ANO3: variants seen among roughly 807,000 people sequenced by gnomAD.
The protein encoded by ANO3 is anoctamin-3.
In ANO3, 99 loss-of-function variants were observed where a neutral mutation model predicts 144.8. The observed-to-expected ratio is 0.68, with a 90% CI of 0.58 to 0.81. The LOEUF (loss-of-function observed/expected upper bound fraction) is 0.81, where lower values mean the gene tolerates loss of function less well. ANO3 is among the 30% of genes least tolerant of loss of function. The pLI, the probability that ANO3 is intolerant of heterozygous loss-of-function variation, is 0.00. For missense variants in ANO3, 905 were observed against 1,202.2 expected, an observed-to-expected ratio of 0.75 and a Z score of 3.66; for synonymous variants, 414 against 392.6, an observed-to-expected ratio of 1.05 and a Z score of -0.64.
chr11:26,547,131 T>C (rs1849809460), intron 11 of ANO3, among the ~76,000 whole-genome samples: 1 of 151,782 alleles, frequency 6.6e-6, no homozygotes, highest in Non-Finnish European at 1.5e-5. Context: ...GGGATGCTAG[T>C]AGGAAGATGG....
At chr11:26,362,892 C>T (rs1855965199) in intron 1 of ANO3, among the ~76,000 whole-genome samples, 2 of 152,078 alleles carry the variant, frequency 1.3e-5, no homozygotes, top group Admixed American at 1.3e-4. Flanking sequence ...TCTTAAATGA[C>T]TACCTAAATG....
intron 1 of ANO3, chr11:26,309,825 A>T: frequency 5.3e-6 from 2 of 374,092 alleles, no homozygotes; most frequent in Non-Finnish European, 7.4e-6. Context: ...ATTTAACGCA[A>T]ATTTAGTCTC....
chr11:26,605,067 T>C (rs4922763), intron 17 of ANO3, among the ~76,000 whole-genome samples: 20,713 of 152,172 alleles, frequency 0.14, 1,720 homozygotes, highest in South Asian at 0.18. Context: ...TAAGTAGCTC[T>C]TATTATTTTG....
At chr11:26,216,115 G>T (rs1415809662) in intron 1 of ANO3, among the ~76,000 whole-genome samples, 1 of 151,810 alleles carries the variant, frequency 6.6e-6, no homozygotes, top group Non-Finnish European at 1.5e-5. Context: ...GGAAGGCTTT[G>T]GTATAATACG....
intron 1 of ANO3, among the ~76,000 whole-genome samples, chr11:26,207,488 C>A (rs1851827456): frequency 6.6e-6 from 1 of 152,124 alleles, no homozygotes; most frequent in Non-Finnish European, 1.5e-5. Flanking sequence ...CCCTTTCAAA[C>A]AATCTCCACC....
At chr11:26,202,682 C>T (rs1851721030) in intron 1 of ANO3, among the ~76,000 whole-genome samples, 1 of 151,560 alleles carries the variant, frequency 6.6e-6, no homozygotes, top group African/African-American at 2.4e-5. Context: ...AAGGGAATGT[C>T]ATGGTCAACC....
intron 1 of ANO3, among the ~76,000 whole-genome samples, chr11:26,199,342 T>G (rs893243435): frequency 6.6e-6 from 1 of 152,098 alleles, no homozygotes; most frequent in African/African-American, 2.4e-5. Flanking sequence ...AAGAGAAAAT[T>G]TTATTTAATT....
chr11:26,556,568 G>A (rs1275032844), intron 13 of ANO3, among the ~76,000 whole-genome samples: 3 of 152,088 alleles, frequency 2.0e-5, no homozygotes, highest in Non-Finnish European at 4.4e-5. Flanking sequence ...GAATCAATTG[G>A]TCAAGGGTGA....
chr11:26,334,523 G>T (rs572775154), intron 1 of ANO3, among the ~76,000 whole-genome samples: 1 of 152,314 alleles, frequency 6.6e-6, no homozygotes, highest in East Asian at 1.9e-4. Context: ...GTACTCCTAG[G>T]TTCTAAGCTT....
intron 6 of ANO3, among the ~76,000 whole-genome samples, chr11:26,523,543 A>G (rs1291348368): frequency 2.0e-5 from 3 of 152,228 alleles, no homozygotes; most frequent in African/African-American, 4.8e-5. Flanking sequence ...TAAAGAATTC[A>G]TATACATTTC....
At chr11:26,526,374 G>GA (rs1385121386) in intron 7 of ANO3, among the ~76,000 whole-genome samples, 1 of 152,080 alleles carries the variant, frequency 6.6e-6, no homozygotes, top group Non-Finnish European at 1.5e-5. Flanking sequence ...AATGCTCAAA[G>GA]AAAAAGCTTC....
At chr11:26,354,290 T>C (rs1855720829) in intron 1 of ANO3, among the ~76,000 whole-genome samples, 1 of 152,178 alleles carries the variant, frequency 6.6e-6, no homozygotes, top group South Asian at 2.1e-4. Context: ...ACTTAAAAAT[T>C]TGCTCTTCTT....
chr11:26,277,204 A>T (rs1853577508), intron 1 of ANO3, among the ~76,000 whole-genome samples: 1 of 152,122 alleles, frequency 6.6e-6, no homozygotes, highest in South Asian at 2.1e-4. Flanking sequence ...TAAATGAATA[A>T]CATTTTAATA....
intron 1 of ANO3, among the ~76,000 whole-genome samples, chr11:26,197,325 T>C (rs1851608307): frequency 6.6e-6 from 1 of 152,000 alleles, no homozygotes; most frequent in South Asian, 2.1e-4. Flanking sequence ...TTAAACTATA[T>C]GGGTAGTTTA....
intron 1 of ANO3, among the ~76,000 whole-genome samples, chr11:26,282,554 G>T (rs546223822): frequency 1.3e-5 from 2 of 152,136 alleles, no homozygotes; most frequent in South Asian, 4.2e-4. Context: ...TAAAAGATAA[G>T]ATTTTTTTAA....
At chr11:26,657,155 A>G (rs1590687616) in intron 26 of ANO3, among the ~76,000 whole-genome samples, 1 of 152,286 alleles carries the variant, frequency 6.6e-6, no homozygotes, top group East Asian at 1.9e-4. Context: ...TCTGTTTTAT[A>G]TGGCCACACC....
chr11:26,578,013 T>C (rs1013440678), intron 14 of ANO3, among the ~76,000 whole-genome samples: 2 of 152,198 alleles, frequency 1.3e-5, no homozygotes, highest in Admixed American at 6.5e-5. Flanking sequence ...CCTGCTACTA[T>C]TGATCAAAAG....
At chr11:26,413,786 A>G (rs1037285798) in intron 1 of ANO3, among the ~76,000 whole-genome samples, 1 of 152,100 alleles carries the variant, frequency 6.6e-6, no homozygotes, top group African/African-American at 2.4e-5. Context: ...GAATTCATGC[A>G]CAATGGCTAT....
chr11:26,211,463 G>A (rs973053353), intron 1 of ANO3, among the ~76,000 whole-genome samples: 7 of 152,060 alleles, frequency 4.6e-5, no homozygotes, highest in Non-Finnish European at 8.8e-5. Flanking sequence ...ATGAAAAAAT[G>A]TTCATGATTA....
Sources: gnomAD v4.1 joint callset for allele counts (sites outside exome capture counted in the v4.1 genomes callset) on GRCh38, gnomAD v4.1.1 for gene constraint, MANE v1.5 for transcripts, NCBI Gene and HGNC (gene_info 2026-07-23, HGNC 2026-07-21) for gene names.